The following ATP10A variants were observed in gnomAD, a reference collection of about 807,000 sequenced individuals.
ATP10A encodes ATPase phospholipid transporting 10A (putative).
ATP10A carries 111 observed loss-of-function variants against 147.8 expected under a neutral mutation model. That is an observed-to-expected ratio of 0.75 (90% confidence interval 0.64 to 0.88). The LOEUF (loss-of-function observed/expected upper bound fraction) is 0.88. Among genes scored for constraint, ATP10A ranks in the 40% least tolerant of loss-of-function variants. The pLI is 0.00. For missense variants in ATP10A, 1,927 were observed against 1,959.0 expected (o/e 0.98, Z 0.31); for synonymous variants, 875 against 841.6 (o/e 1.04, Z -0.69).
chr15:25,676,227 C>T (rs1292251161), downstream of ATP10A, among the ~76,000 whole-genome samples: 2 of 152,162 alleles, frequency 1.3e-5, no homozygotes, highest in African/African-American at 4.8e-5. Context: ...TTACCGAAGG[C>T]ACAGATACGA....
intron 1 of ATP10A, among the ~76,000 whole-genome samples, chr15:25,854,990 C>T (rs111471671): frequency 1.6e-3 from 238 of 147,316 alleles, no homozygotes; most frequent in African/African-American, 5.6e-3. Context: ...ACCTGGGAGG[C>T]GGAGGTTGCA....
At chr15:25,705,464 A>AAC (rs1900935090) in intron 12 of ATP10A, among the ~76,000 whole-genome samples, 1 of 3,724 alleles carries the variant, frequency 2.7e-4, no homozygotes, top group East Asian at 7.9e-3. Context: ...CAAAAAAAAA[A>AAC]AACAAAAAAA....
chr15:25,847,134 T>C (rs971986923), intron 1 of ATP10A, among the ~76,000 whole-genome samples: 13 of 152,252 alleles, frequency 8.5e-5, no homozygotes, highest in African/African-American at 3.1e-4. Context: ...TGTTAGACAC[T>C]TTCTCAAAAG....
At chr15:25,848,850 C>A (rs941613415) in intron 1 of ATP10A, 10 of 153,594 alleles carry the variant, frequency 6.5e-5, no homozygotes, top group African/African-American at 2.4e-4. Context: ...TAAGGGAGGG[C>A]AGTAGCTCCA....
intron 1 of ATP10A, among the ~76,000 whole-genome samples, chr15:25,835,527 A>G (rs921781174): frequency 3.9e-5 from 6 of 152,106 alleles, no homozygotes; most frequent in Non-Finnish European, 8.8e-5. Context: ...AGTTTTTGCC[A>G]ATTGTCCTGA....
chr15:25,700,832 A>G (rs1900617270), intron 13 of ATP10A, among the ~76,000 whole-genome samples: 1 of 152,072 alleles, frequency 6.6e-6, no homozygotes, highest in African/African-American at 2.4e-5. Context: ...CAATTTTACT[A>G]TATGCTAATT....
intron 7 of ATP10A, among the ~76,000 whole-genome samples, chr15:25,720,119 T>C (rs937815434): frequency 6.6e-5 from 10 of 152,146 alleles, no homozygotes; most frequent in Admixed American, 2.6e-4. Flanking sequence ...TTAGTTGGGA[T>C]CCTGCCCCTG....
rs1337020917 is a variant in ATP10A at position 25,708,368 on chromosome 15, G to A, written c.2345-68C>T. ...CTGTGGAATGGTCTTCAGACACTCC[G>A]AGATTTACCCCACGTCTGTTCGTTA... is the stretch of plus-strand genomic sequence containing the variant. On this transcript the variant is annotated intron_variant, in intron 10 of 20. Transcript: ENST00000555815. 1.6e-5 allele frequency: 22 copies of A among 1,375,724 alleles called. No homozygotes were observed. In the Admixed American group the frequency reaches 2.5e-4, roughly 16 times the overall value. The allele number at this position is 1,375,724 out of a possible 1,614,324, so 85.2% of individuals were successfully genotyped here.
intron 12 of ATP10A, among the ~76,000 whole-genome samples, chr15:25,702,443 C>CCAATGA (rs1900725187): frequency 6.6e-6 from 1 of 152,176 alleles, no homozygotes; most frequent in Non-Finnish European, 1.5e-5. Context: ...AACCTGAAGG[C>CCAATGA]AAAGCGTATG....
rs1319625971 is a variant in ATP10A, at chr15:25,850,217, T to C, written c.449+12431A>G. ...CTTATGTTCAAAAATGGTTGGCTTG[T>C]TCAGAGAGAGAGAGTCAGTGGGGAG... On this transcript the variant is annotated intron_variant, in intron 1 of 20. Transcript: ENST00000555815. Among the ~76,000 whole-genome samples the C allele has an allele frequency of 2.6e-5, 4 of 152,292 alleles. No homozygotes were observed. The East Asian group carries it at 7.7e-4, about 29-fold the overall frequency.
chr15:25,686,033 T>C (rs573366197), intron 16 of ATP10A, among the ~76,000 whole-genome samples: 1 of 151,978 alleles, frequency 6.6e-6, no homozygotes, highest in Non-Finnish European at 1.5e-5. Flanking sequence ...AGAAAGGAGG[T>C]ATGAGCCGGC....
At chr15:25,864,521 C>T (rs933680124), upstream of ATP10A, among the ~76,000 whole-genome samples, 2 of 152,178 alleles carry the variant, frequency 1.3e-5, no homozygotes, top group Non-Finnish European at 2.9e-5. Flanking sequence ...GCTTACCCGG[C>T]TCCAGTTATG....
chr15:25,727,295 G>A (rs772026340), intron 3 of ATP10A, 29 bp from the exon 4 acceptor site: 18 of 1,563,188 alleles, frequency 1.2e-5, no homozygotes, highest in South Asian at 3.3e-5. Context: ...CACATGTCAC[G>A]TGGTTGCAGG....
intron 1 of ATP10A, among the ~76,000 whole-genome samples, chr15:25,797,073 A>C (rs1034321695): frequency 1.3e-5 from 2 of 150,620 alleles, no homozygotes; most frequent in African/African-American, 2.4e-5. Context: ...CAGATCCTAA[A>C]ACGACTCCTC....
chr15:25,673,358 G>A (rs1235675655), downstream of ATP10A, among the ~76,000 whole-genome samples: 2 of 152,146 alleles, frequency 1.3e-5, no homozygotes, highest in Admixed American at 6.5e-5. Context: ...CCTGGGTGTC[G>A]GTCTTATACA....
At chr15:25,786,641 T>TTTTC (rs869155871) in intron 1 of ATP10A, among the ~76,000 whole-genome samples, 9 of 85,596 alleles carry the variant, frequency 1.1e-4, no homozygotes, top group African/African-American at 3.9e-4. Context: ...TTTTTTTTTT[T>TTTTC]TTGAGGCGGA....
intron 13 of ATP10A, among the ~76,000 whole-genome samples, chr15:25,698,952 TA>T (rs1409094028): frequency 6.6e-6 from 1 of 152,052 alleles, no homozygotes; most frequent in African/African-American, 2.4e-5. Context: ...AAAGAAGACC[TA>T]AAAAATGTAG....
At chr15:25,727,104 G>A (rs1319346408) in intron 4 of ATP10A, 56 bp downstream of exon 4, 22 of 1,259,080 alleles carry the variant, frequency 1.7e-5, no homozygotes, top group Admixed American at 1.8e-5. Context: ...GTGAGGGGAA[G>A]TGCTGGAGAA....
chr15:25,674,102 G>A (rs187413940), downstream of ATP10A, among the ~76,000 whole-genome samples: 18 of 152,318 alleles, frequency 1.2e-4, no homozygotes, highest in Admixed American at 1.2e-3. Flanking sequence ...AGCCTGGGAC[G>A]CTCTCCATCA....
Sources: allele counts gnomAD v4.1 joint callset (sites outside exome capture counted in the v4.1 genomes callset), GRCh38; gene constraint gnomAD v4.1.1; transcripts MANE v1.5; gene names NCBI Gene and HGNC (gene_info 2026-07-23, HGNC 2026-07-21).